CABLES1: variants seen among roughly 807,000 people sequenced by gnomAD.
CABLES1 encodes the protein CDK5 and ABL1 enzyme substrate 1.
Under a neutral mutation model 57.8 loss-of-function variants are expected in CABLES1, and 36 were observed. The observed-to-expected ratio is 0.62, with a 90% CI of 0.48 to 0.82. The LOEUF (loss-of-function observed/expected upper bound fraction) is 0.82. Among genes scored for constraint, CABLES1 ranks in the 40% least tolerant of loss-of-function variants. The probability of loss-of-function intolerance (pLI) is 0.00; values close to 1 mark genes in which losing one functional copy is unlikely to be tolerated. For synonymous variants in CABLES1, 374 were observed against 363.0 expected, an observed-to-expected ratio of 1.03 and a Z score of -0.35; for missense variants, 767 against 836.6, an observed-to-expected ratio of 0.92 and a Z score of 1.03.
chr18:23,186,801 A>T (rs530545736), intron 1 of CABLES1, among the ~76,000 whole-genome samples: 1 of 152,260 alleles, frequency 6.6e-6, no homozygotes, highest in South Asian at 2.1e-4. Flanking sequence ...GGCCCTAGGC[A>T]TTCTCCTGTG....
intron 7 of CABLES1, among the ~76,000 whole-genome samples, chr18:23,244,623 G>A (rs1178053756): frequency 6.6e-6 from 1 of 152,226 alleles, no homozygotes; most frequent in Non-Finnish European, 1.5e-5. Context: ...CCAGTGCCCA[G>A]CTGAGCCCGA....
chr18:23,240,257 G>A (rs893929257), intron 7 of CABLES1, among the ~76,000 whole-genome samples: 4 of 152,216 alleles, frequency 2.6e-5, no homozygotes, highest in Non-Finnish European at 4.4e-5. Flanking sequence ...GCCCCACCAG[G>A]TTTTGGTAGG....
chr18:23,232,990 C>A (rs2047577438), intron 4 of CABLES1, among the ~76,000 whole-genome samples: 1 of 152,102 alleles, frequency 6.6e-6, no homozygotes, highest in Non-Finnish European at 1.5e-5. Context: ...TTTGCCCCTG[C>A]CTTATATTCG....
chr18:23,136,233 G>C lies in CABLES1; in HGVS notation c.471G>C (p.Val157=), dbSNP rs774369559. Residue 157 remains valine (V), a synonymous_variant, in exon 1 of 10, where the codon GTG becomes GTC. Coordinates refer to ENST00000256925, the MANE Select transcript of CABLES1 (RefSeq NM_001100619.3). ...TGATTCCTGGCGGCCATGCGACCGTGTCCGGCCCCGGGGTGGCGCGGGGGT... is the reference window on the plus strand; with the variant it reads ...TGATTCCTGGCGGCCATGCGACCGTCTCCGGCCCCGGGGTGGCGCGGGGGT... The part of the protein sequence containing the change: ...PPLIPGGHAT[V]SGPGVARGFA... 5.1e-4 allele frequency: 656 copies of C among 1,280,514 alleles called. 2 individuals carry two copies. The highest frequency in any genetic ancestry group is 6.1e-4 in the Non-Finnish European group (619 of 1,018,070). The allele number at this position is 1,280,514 out of a possible 1,614,324, so 79.3% of individuals were successfully genotyped here. A position where few individuals can be genotyped will look rare whatever the true frequency, so the allele number is the denominator to read the frequency against.
At chr18:23,155,755 A>G in intron 1 of CABLES1, 2 of 1,406,118 alleles carry the variant, frequency 1.4e-6, no homozygotes, top group Non-Finnish European at 1.9e-6. Context: ...ATTTTCCCCT[A>G]TGGCTTTAAG....
intron 1 of CABLES1, among the ~76,000 whole-genome samples, chr18:23,172,078 A>G (rs908070876): frequency 2.0e-5 from 3 of 152,076 alleles, no homozygotes; most frequent in Non-Finnish European, 4.4e-5. Flanking sequence ...GTGCCACCAC[A>G]CCTGGCTAAC....
In CABLES1 at chr18:23,258,166, C is replaced by G. The variant is rs184684421; in HGVS notation, c.*799C>G. On this transcript the variant is annotated 3_prime_UTR_variant, in exon 10 of 10. Transcript: ENST00000256925. ...TCGCGTGGAAGGACGTGGAGCGTGG[C>G]GCTCTGTAACTTCCTGCCGTCTGCC... is the stretch of plus-strand genomic sequence containing the variant. 1 of 152,508 alleles carries G rather than the reference C, an allele frequency of 6.6e-6. No homozygotes were observed. Among genetic ancestry groups the G allele is most frequent in the Admixed American group, 6.5e-5 (1 of 15,288 alleles). 9.4% of individuals were successfully genotyped at this position (152,508 alleles called of 1,614,324 possible). A position where few individuals can be genotyped will look rare whatever the true frequency, so the allele number is the denominator to read the frequency against.
At chr18:23,167,445 C>G (rs149423314) in intron 1 of CABLES1, among the ~76,000 whole-genome samples, 85 of 152,274 alleles carry the variant, frequency 5.6e-4, no homozygotes, top group African/African-American at 2.0e-3. Context: ...TCAAAATATA[C>G]TGTAAAAGGC....
In CABLES1 at chr18:23,135,650, C is replaced by T. The variant is rs1191023550; in HGVS notation, c.-113C>T. 3 of 920,496 alleles carry T rather than the reference C, an allele frequency of 3.3e-6. No homozygotes were observed. Among genetic ancestry groups the T allele is most frequent in the Admixed American group, 6.3e-5 (1 of 15,924 alleles). The allele number at this position is 920,496 out of a possible 1,614,324, so 57.0% of individuals were successfully genotyped here. On this transcript the variant is annotated 5_prime_UTR_variant, in exon 1 of 10. Transcript: ENST00000256925. ...GGGGCTGGACCGCCGCGCACGCCGC[C>T]CGATCCCCGCGCCCTACCCAGCCCG... is the stretch of plus-strand genomic sequence containing the variant.
intron 4 of CABLES1, among the ~76,000 whole-genome samples, chr18:23,220,747 T>C (rs2047481123): frequency 6.6e-6 from 1 of 152,192 alleles, no homozygotes; most frequent in African/African-American, 2.4e-5. Flanking sequence ...GGGTTGTAGC[T>C]TTCAGAAGGC....
intron 1 of CABLES1, among the ~76,000 whole-genome samples, chr18:23,156,150 G>T (rs45590739): frequency 0.011 from 1,615 of 152,276 alleles, 14 homozygotes; most frequent in Non-Finnish European, 0.014. Context: ...TGGAACAGAG[G>T]GGGGGCTCCA....
At chr18:23,194,825 G>A (rs1311673908) in intron 3 of CABLES1, among the ~76,000 whole-genome samples, 1 of 152,176 alleles carries the variant, frequency 6.6e-6, no homozygotes, top group Non-Finnish European at 1.5e-5. Context: ...AGAAACCTTT[G>A]AACAGAAAAA....
chr18:23,215,324 C>T (rs1200619052), intron 4 of CABLES1, among the ~76,000 whole-genome samples: 1 of 152,270 alleles, frequency 6.6e-6, no homozygotes, highest in East Asian at 1.9e-4. Flanking sequence ...AGAGCAGGCT[C>T]ATTCCTTGAC....
chr18:23,198,869 C>T (rs1460431894), intron 3 of CABLES1, among the ~76,000 whole-genome samples: 3 of 152,198 alleles, frequency 2.0e-5, no homozygotes, highest in Non-Finnish European at 2.9e-5. Flanking sequence ...TAAGATAATA[C>T]ATTTGTGTTG....
intron 4 of CABLES1, among the ~76,000 whole-genome samples, chr18:23,226,325 C>A (rs1010181518): frequency 3.3e-5 from 5 of 151,740 alleles, no homozygotes; most frequent in Non-Finnish European, 7.4e-5. Flanking sequence ...TTGCTTGAAC[C>A]TGAGAAGTGG....
chr18:23,248,263 TTCTC>T (rs2047948273), intron 7 of CABLES1, among the ~76,000 whole-genome samples: 1 of 152,168 alleles, frequency 6.6e-6, no homozygotes, highest in African/African-American at 2.4e-5. Flanking sequence ...CAGAAGCTCT[TTCTC>T]TGTCCCCGCC....
intron 1 of CABLES1, among the ~76,000 whole-genome samples, chr18:23,140,635 G>C (rs192258511): frequency 7.2e-5 from 11 of 152,104 alleles, no homozygotes; most frequent in African/African-American, 1.9e-4. Flanking sequence ...ATGAGGGTTC[G>C]CCATGTTGGC....
chr18:23,160,610 C>G (rs941597227), intron 1 of CABLES1, among the ~76,000 whole-genome samples: 1 of 152,172 alleles, frequency 6.6e-6, no homozygotes, highest in Admixed American at 6.5e-5. Context: ...GTCATTCTCC[C>G]CTAAACTGTT....
intron 1 of CABLES1, among the ~76,000 whole-genome samples, chr18:23,176,152 T>C (rs1049106897): frequency 1.3e-5 from 2 of 152,186 alleles, no homozygotes; most frequent in African/African-American, 4.8e-5. Flanking sequence ...ATTTGGGCAT[T>C]CCTTATGCCA....
Sources: allele counts gnomAD v4.1 joint callset (sites outside exome capture counted in the v4.1 genomes callset), GRCh38; gene constraint gnomAD v4.1.1; transcripts MANE v1.5; gene names NCBI Gene and HGNC (gene_info 2026-07-23, HGNC 2026-07-21).